ASCC3: variants seen among roughly 807,000 people sequenced by gnomAD.
The protein encoded by ASCC3 is activating signal cointegrator 1 complex subunit 3, also known as ASC-1 complex subunit P200.
Under a neutral mutation model 256.3 loss-of-function variants are expected in ASCC3, and 158 were observed. The observed-to-expected ratio is 0.62, with a 90% CI of 0.54 to 0.70. The LOEUF (loss-of-function observed/expected upper bound fraction) is 0.70, where lower values mean the gene tolerates loss of function less well. Among genes scored for constraint, ASCC3 ranks in the 30% least tolerant of loss-of-function variants. The pLI is 0.00. For missense variants in ASCC3, 2,259 were observed against 2,626.0 expected (o/e 0.86, Z 3.05); for synonymous variants, 948 against 883.4 (o/e 1.07, Z -1.30).
intron 24 of ASCC3, 125 bp downstream of exon 24, chr6:100,642,456 G>C: frequency 1.0e-6 from 1 of 955,734 alleles, no homozygotes; most frequent in Non-Finnish European, 1.6e-6. Flanking sequence ...GAAATAAAAA[G>C]GGAGTTATAG....
intron 2 of ASCC3, among the ~76,000 whole-genome samples, chr6:100,867,028 A>G (rs1001633563): frequency 6.6e-6 from 1 of 152,198 alleles, no homozygotes; most frequent in African/African-American, 2.4e-5. Context: ...CCTTTTTAAG[A>G]CTTATATAAG....
chr6:100,709,098 C>T (rs1178330359), intron 13 of ASCC3, among the ~76,000 whole-genome samples: 1 of 151,706 alleles, frequency 6.6e-6, no homozygotes, highest in Non-Finnish European at 1.5e-5. Context: ...GAAGAAATGG[C>T]CTATGTTTAT....
intron 30 of ASCC3, among the ~76,000 whole-genome samples, chr6:100,616,716 C>T (rs905689414): frequency 2.0e-5 from 3 of 152,112 alleles, no homozygotes; most frequent in African/African-American, 7.2e-5. Flanking sequence ...TGGCAAAAGG[C>T]CTTGCAGAAT....
At position 100,676,762 on chromosome 6, in the gene ASCC3, T is replaced by TCACACA. The variant is rs75606780; in HGVS notation, c.2286+2850_2286+2855dup. On this transcript the variant is annotated intron_variant, in intron 14 of 41. Transcript: ENST00000369162. ...CGCGCGCGTGCGCGCACACACACAC[T>TCACACA]CACACACACACACACACACACAAAA... 1.2e-3 allele frequency among the ~76,000 whole-genome samples: 185 copies of TCACACA among 150,740 alleles called. 1 individual carries two copies. The highest frequency in any genetic ancestry group is 4.2e-3 in the African/African-American group (175 of 41,180).
chr6:100,568,775 T>C (rs973575539), intron 36 of ASCC3, among the ~76,000 whole-genome samples: 1 of 140,568 alleles, frequency 7.1e-6, no homozygotes, highest in Non-Finnish European at 1.5e-5. Context: ...ATTATTATTA[T>C]TATTATTATT....
rs535459906 is a variant in ASCC3 at position 100,635,793 on chromosome 6, T to C, written c.4122+2808A>G. Among the ~76,000 whole-genome samples, 5 of 152,256 alleles carry C rather than the reference T, an allele frequency of 3.3e-5. No individual in the cohort carries two copies. The East Asian group carries it at 9.6e-4, about 29-fold the overall frequency. ...AGCAATACTTACTTGACTTGTAATG[T>C]ATTTGATATTAAATAATATCATGGC... On this transcript the variant is annotated intron_variant, in intron 25 of 41. Transcript: ENST00000369162.
chr6:100,810,702 C>T (rs1303909433), intron 4 of ASCC3, among the ~76,000 whole-genome samples: 4 of 152,102 alleles, frequency 2.6e-5, no homozygotes, highest in Admixed American at 2.6e-4. Flanking sequence ...TGGCAAACTC[C>T]AACCAACACA....
At position 100,509,962 on chromosome 6, in the gene ASCC3, A is replaced by G; in HGVS notation, c.6431T>C (p.Leu2144Pro). 1 of 1,614,052 alleles carries G rather than the reference A, an allele frequency of 6.2e-7. No individual in the cohort carries two copies. Among genetic ancestry groups the G allele is most frequent in the Non-Finnish European group, 8.5e-7 (1 of 1,179,936 alleles). ...AGGTATTTCAGGGGTATAAAAAGAA[A>G]GGGAAGCAACATGATGATTTCGAAT... The part of the protein sequence containing the change: ...GYIRNHHVAS[L>P]SFYTPEIPGR... Residue 2144 changes from leucine to proline, a missense_variant, in exon 41 of 42, where the codon CTT (leucine) becomes CCT (proline). By Grantham distance (98) the Leu-to-Pro change is moderately conservative. Transcript: ENST00000369162.
At chr6:100,817,742 A>C (rs1185556796) in intron 4 of ASCC3, among the ~76,000 whole-genome samples, 2 of 152,182 alleles carry the variant, frequency 1.3e-5, no homozygotes, top group African/African-American at 4.8e-5. Flanking sequence ...AGATAATCTG[A>C]ACAGACCTAT....
intron 3 of ASCC3, among the ~76,000 whole-genome samples, chr6:100,853,228 C>T (rs1023215119): frequency 6.6e-5 from 10 of 152,060 alleles, no homozygotes; most frequent in Non-Finnish European, 1.2e-4. Flanking sequence ...AATTGTCAAT[C>T]ATCCTCAACA....
chr6:100,759,971 A>C (rs543424788), intron 10 of ASCC3, among the ~76,000 whole-genome samples: 2 of 152,186 alleles, frequency 1.3e-5, no homozygotes, highest in South Asian at 2.1e-4. Flanking sequence ...GTTGGTGTAA[A>C]GGAATGCTTG....
chr6:100,696,505 A>G (rs934484351), intron 13 of ASCC3, among the ~76,000 whole-genome samples: 2 of 152,026 alleles, frequency 1.3e-5, no homozygotes, highest in Non-Finnish European at 2.9e-5. Context: ...ATATTTACCA[A>G]TGGCTTAAGT....
At chr6:100,879,015 C>T (rs951113700) in intron 1 of ASCC3, among the ~76,000 whole-genome samples, 3 of 152,168 alleles carry the variant, frequency 2.0e-5, no homozygotes, top group Non-Finnish European at 2.9e-5. Flanking sequence ...TTCTGACTGA[C>T]CAGCTATAAA....
intron 4 of ASCC3, among the ~76,000 whole-genome samples, chr6:100,818,717 T>C (rs1380126106): frequency 7.7e-6 from 1 of 129,854 alleles, no homozygotes; most frequent in African/African-American, 3.0e-5. Flanking sequence ...CACTGTACTG[T>C]AGGTTCTAGG....
chr6:100,880,837 T>C (rs1769267092), intron 1 of ASCC3, among the ~76,000 whole-genome samples: 2 of 152,234 alleles, frequency 1.3e-5, no homozygotes, highest in Admixed American at 6.5e-5. Context: ...TTAAGTTTTC[T>C]ATCCCCAACC....
At chr6:100,633,240 G>C (rs1774647319) in intron 25 of ASCC3, among the ~76,000 whole-genome samples, 1 of 152,102 alleles carries the variant, frequency 6.6e-6, no homozygotes, top group South Asian at 2.1e-4. Context: ...AATTCAGCCT[G>C]GAACATGAAT....
chr6:100,530,587 T>C (rs950106473), intron 37 of ASCC3: 10 of 789,408 alleles, frequency 1.3e-5, no homozygotes, highest in African/African-American at 3.4e-5. Flanking sequence ...AGTGTGTTGA[T>C]TATTGCATGG....
intron 10 of ASCC3, among the ~76,000 whole-genome samples, chr6:100,764,757 A>G (rs892309641): frequency 2.6e-5 from 4 of 152,124 alleles, no homozygotes; most frequent in Non-Finnish European, 5.9e-5. Context: ...TCTAAGTCCA[A>G]TTATCTCCCA....
In ASCC3 at chr6:100,606,860, C is replaced by A. The variant is rs1772914278; in HGVS notation, c.4924G>T (p.Val1642Phe). The A allele has an allele frequency of 3.1e-6, 5 of 1,611,102 alleles. No homozygotes were observed. Among genetic ancestry groups the A allele is most frequent in the Non-Finnish European group, 4.2e-6 (5 of 1,178,718 alleles). Residue 1642 changes from valine to phenylalanine, a missense_variant and splice_region_variant, in exon 32 of 42, where the codon GTT becomes TTT. Around this residue, in one of 2 missense-constraint regions of ASCC3, gnomAD observed 1,839 missense variants for 2,206.7 expected, o/e 0.83. Transcript: ENST00000369162. ...GCTAATGTGCTTGTAGCAATAAGAA[C>A]CTAAAAAGCAAAATAAAATATCTTA... ...EELFVNCKVQ[V>F]LIATSTLAWG...
Sources: allele counts gnomAD v4.1 joint callset (sites outside exome capture counted in the v4.1 genomes callset), GRCh38; gene constraint gnomAD v4.1.1; regional missense constraint gnomAD v4.1.1; transcripts MANE v1.5; gene names NCBI Gene and HGNC (gene_info 2026-07-23, HGNC 2026-07-21).